The following TTC34 variants were observed in gnomAD, a reference collection of about 807,000 sequenced individuals.
TTC34 encodes tetratricopeptide repeat protein 34.
TTC34 carries 44 observed loss-of-function variants against 40.7 expected under a neutral mutation model. The observed-to-expected ratio is 1.08, with a 90% CI of 0.85 to 1.39. TTC34 has a LOEUF of 1.39. TTC34 is among the 40% of genes most tolerant of loss of function. The pLI, the probability that TTC34 is intolerant of heterozygous loss-of-function variation, is 0.00. For synonymous variants in TTC34, 422 were observed against 398.6 expected (o/e 1.06, Z -0.70); for missense variants, 884 against 838.0 (o/e 1.05, Z -0.68).
chr1:2,648,211 GTTCT>G (rs1639058204), intron 6 of TTC34, among the ~76,000 whole-genome samples: 1 of 152,130 alleles, frequency 6.6e-6, no homozygotes. Flanking sequence ...GTGCCTAGCA[GTTCT>G]TGGTTTTGCG....
At chr1:2,767,779 A>G (rs554290760) in intron 6 of TTC34, among the ~76,000 whole-genome samples, 6 of 147,122 alleles carry the variant, frequency 4.1e-5, no homozygotes, top group Non-Finnish European at 7.5e-5. Flanking sequence ...CCAGTTGAGC[A>G]TCTGACAGCC....
intron 6 of TTC34, among the ~76,000 whole-genome samples, chr1:2,688,373 C>T (rs1483056578): frequency 3.9e-5 from 6 of 151,916 alleles, no homozygotes; most frequent in African/African-American, 1.5e-4. Flanking sequence ...CCCACACGCC[C>T]AGGTGAGCAT....
intron 6 of TTC34, among the ~76,000 whole-genome samples, chr1:2,759,430 A>G (rs1297694085): frequency 1.5e-5 from 1 of 66,702 alleles, no homozygotes; most frequent in African/African-American, 7.4e-5. Flanking sequence ...CTGGATCAGC[A>G]CCCACACTCC....
At chr1:2,696,869 C>A (rs1447435608) in intron 6 of TTC34, among the ~76,000 whole-genome samples, 1 of 46,072 alleles carries the variant, frequency 2.2e-5, no homozygotes, top group African/African-American at 5.5e-5. Context: ...CAGCCTGGAG[C>A]AGCACCCACA....
chr1:2,783,573 T>A, intron 6 of TTC34, 36 bp downstream of exon 6: 1 of 1,339,916 alleles, frequency 7.5e-7, no homozygotes, highest in African/African-American at 1.5e-5. Context: ...CCCCCACCCG[T>A]GCTTGCCCAG....
chr1:2,783,828 A>G, intron 5 of TTC34, 53 bp from the exon 6 acceptor site: 2 of 1,381,950 alleles, frequency 1.4e-6, no homozygotes, highest in East Asian at 2.8e-5. Flanking sequence ...TCCCTTCCCC[A>G]GCATCTATCC....
chr1:2,776,641 C>G (rs1362825957), intron 6 of TTC34, among the ~76,000 whole-genome samples: 1 of 22,840 alleles, frequency 4.4e-5, no homozygotes, highest in Non-Finnish European at 7.9e-5. Context: ...AAAGTACCCT[C>G]CATGCACAGG....
At chr1:2,800,661 G>A (rs772988528) in exon 2 of TTC34, 44 of 398,378 alleles carry the variant, frequency 1.1e-4, no homozygotes, top group Admixed American at 2.2e-4. Context: ...CACCACCGCC[G>A]CCCCCCGAGC....
intron 6 of TTC34, among the ~76,000 whole-genome samples, chr1:2,687,722 C>G (rs1640429447): frequency 2.0e-5 from 3 of 151,936 alleles, no homozygotes; most frequent in Non-Finnish European, 2.9e-5. Context: ...GAACAGCACC[C>G]ACACCCCCAG....
At chr1:2,789,369 C>CT in intron 3 of TTC34, 134 bp downstream of exon 3, 1 of 850,856 alleles carries the variant, frequency 1.2e-6, no homozygotes, top group South Asian at 1.9e-5. Context: ...CTAGACCTGC[C>CT]TCGGGTGCTT....
chr1:2,686,182 T>C (rs1196221032), intron 6 of TTC34, among the ~76,000 whole-genome samples: 8 of 46,502 alleles, frequency 1.7e-4, no homozygotes, highest in South Asian at 6.9e-4. Context: ...CATCGGAGAG[T>C]CTGGAGCAGC....
At position 2,768,226 on chromosome 1, in the gene TTC34, C is replaced by G. The variant is rs139502087; in HGVS notation, c.2226+15383G>C. 1.3e-3 allele frequency among the ~76,000 whole-genome samples: 203 copies of G among 151,758 alleles called. 1 individual carries two copies. The East Asian group carries it at 0.02, about 15-fold the overall frequency. On this transcript the variant is annotated intron_variant, in intron 6 of 8. Coordinates refer to ENST00000401095, the Ensembl canonical transcript of TTC34. ...GCCCACCCCTGGGTGAGGATGCTCA[C>G]CTGAGGTTGGGAGTGCCATTCCAGG...
chr1:2,657,460 C>G (rs1317180513), intron 6 of TTC34, among the ~76,000 whole-genome samples: 1 of 88,704 alleles, frequency 1.1e-5, no homozygotes, highest in East Asian at 2.5e-4. Flanking sequence ...AGCACCCACG[C>G]CCCCAGGCGA....
chr1:2,777,771 G>A (rs757532605), intron 6 of TTC34, among the ~76,000 whole-genome samples: 80 of 151,752 alleles, frequency 5.3e-4, no homozygotes, highest in Non-Finnish European at 9.9e-4. Context: ...TGCTCCTACC[G>A]TCACTCCCAC....
At chr1:2,787,649 G>A (rs1356292504) in exon 4 of TTC34, 39 of 1,549,746 alleles carry the variant, frequency 2.5e-5, no homozygotes, top group South Asian at 1.4e-4. Flanking sequence ...GAGAGGCCTC[G>A]TCCTCTGAAT....
chr1:2,687,069 G>C (rs1442449207), intron 6 of TTC34, among the ~76,000 whole-genome samples: 11 of 146,920 alleles, frequency 7.5e-5, no homozygotes, highest in Non-Finnish European at 1.5e-4. Context: ...CGACAGCCTG[G>C]AGCAGGACCC....
At chr1:2,687,750 T>A (rs555395065) in intron 6 of TTC34, among the ~76,000 whole-genome samples, 2 of 149,248 alleles carry the variant, frequency 1.3e-5, no homozygotes, top group African/African-American at 5.1e-5. Context: ...TCCGACAGCC[T>A]GGAGCAGAAC....
intron 6 of TTC34, among the ~76,000 whole-genome samples, chr1:2,685,218 A>T (rs1640275412): frequency 7.8e-6 from 1 of 127,984 alleles, no homozygotes; most frequent in African/African-American, 3.1e-5. Flanking sequence ...AGCATCTGAC[A>T]TCGTGGAGCA....
chr1:2,764,415 C>G (rs1312382093), intron 6 of TTC34, among the ~76,000 whole-genome samples: 10 of 148,292 alleles, frequency 6.7e-5, no homozygotes, highest in African/African-American at 2.5e-4. Context: ...TGGAGCAGCA[C>G]CCACACCCCC....
Sources: gnomAD v4.1 joint callset for allele counts (sites outside exome capture counted in the v4.1 genomes callset) on GRCh38, gnomAD v4.1.1 for gene constraint, MANE v1.5 for transcripts, NCBI Gene and HGNC (gene_info 2026-07-23, HGNC 2026-07-21) for gene names.